Variants in MTUS2 observed in about 807,000 individuals in gnomAD.
MTUS2 encodes the protein microtubule-associated tumor suppressor candidate 2.
A neutral mutation model predicts 114.1 loss-of-function variants in MTUS2; 40 were observed. The observed-to-expected ratio is 0.35, with a 90% CI of 0.27 to 0.46. MTUS2 has a LOEUF of 0.46. MTUS2 is among the 20% of genes least tolerant of loss of function. The pLI, the probability that MTUS2 is intolerant of heterozygous loss-of-function variation, is 1.00. For synonymous variants in MTUS2, 688 were observed against 672.0 expected (o/e 1.02, Z -0.37); for missense variants, 1,679 against 1,705.4 (o/e 0.98, Z 0.27).
At chr13:29,217,234 G>A (rs564826147) in intron 5 of MTUS2, among the ~76,000 whole-genome samples, 1 of 152,056 alleles carries the variant, frequency 6.6e-6, no homozygotes, top group South Asian at 2.1e-4. Context: ...AATTTTTACA[G>A]CAATGGTATT....
At chr13:28,835,350 G>A (rs1376644990) in intron 1 of MTUS2, among the ~76,000 whole-genome samples, 1 of 152,124 alleles carries the variant, frequency 6.6e-6, no homozygotes, top group Non-Finnish European at 1.5e-5. Flanking sequence ...CCGATTTCTG[G>A]TACAGATGGC....
At chr13:29,088,058 CAAAAAAAAAAAAA>C (rs57654117) in intron 4 of MTUS2, among the ~76,000 whole-genome samples, 1 of 135,544 alleles carries the variant, frequency 7.4e-6, no homozygotes, top group African/African-American at 3.0e-5. Flanking sequence ...GACTCCGTCT[CAAAAAAAAAAAAA>C]AAAAAAAAAA....
chr13:29,241,820 T>TA (rs1420067058), intron 5 of MTUS2, among the ~76,000 whole-genome samples: 2 of 152,150 alleles, frequency 1.3e-5, no homozygotes, highest in African/African-American at 2.4e-5. Context: ...TGAATTGACT[T>TA]ACGTTCTGGC....
At chr13:29,110,819 A>T (rs1336365107) in intron 5 of MTUS2, among the ~76,000 whole-genome samples, 1 of 152,204 alleles carries the variant, frequency 6.6e-6, no homozygotes, top group Non-Finnish European at 1.5e-5. Context: ...AAAGTTTATA[A>T]GTGCCATATT....
intron 2 of MTUS2, among the ~76,000 whole-genome samples, chr13:28,945,063 A>G (rs1882446752): frequency 6.6e-6 from 1 of 151,988 alleles, no homozygotes; most frequent in African/African-American, 2.4e-5. Flanking sequence ...GAGTGGTGAG[A>G]AATGCAGTAT....
At chr13:29,412,826 A>G (rs1257600382) in intron 8 of MTUS2, among the ~76,000 whole-genome samples, 1 of 152,114 alleles carries the variant, frequency 6.6e-6, no homozygotes, top group Non-Finnish European at 1.5e-5. Context: ...CAGGAGTTCA[A>G]GGTTATGCTG....
chr13:29,175,083 G>C (rs1306344236), intron 5 of MTUS2, among the ~76,000 whole-genome samples: 1 of 152,088 alleles, frequency 6.6e-6, no homozygotes, highest in Non-Finnish European at 1.5e-5. Flanking sequence ...TCTTATTCTC[G>C]AGGCTCTTAA....
rs571701022 is a variant in MTUS2 at position 29,416,810 on chromosome 13, C to G, written c.3118-23173C>G. 1.4e-4 allele frequency among the ~76,000 whole-genome samples: 21 copies of G among 148,338 alleles called. No homozygotes were observed. In the East Asian group the frequency reaches 4.3e-3, roughly 31 times the overall value. On this transcript the variant is annotated intron_variant, in intron 8 of 15. Coordinates refer to ENST00000612955, the MANE Select transcript of MTUS2 (RefSeq NM_001033602.4). Reference sequence around the variant, plus strand: ...TACTTTTGCCCTTATAATTAAGTGACCTTTTTGCCTAGAGGTTTTGTTTTG... The same window carrying G: ...TACTTTTGCCCTTATAATTAAGTGAGCTTTTTGCCTAGAGGTTTTGTTTTG...
At chr13:29,032,550 A>C (rs533536740) in intron 3 of MTUS2, among the ~76,000 whole-genome samples, 1 of 152,240 alleles carries the variant, frequency 6.6e-6, no homozygotes, top group Non-Finnish European at 1.5e-5. Context: ...CAGAGTGCAG[A>C]TGTAGAATGT....
chr13:29,043,259 A>G (rs536131351), intron 4 of MTUS2, among the ~76,000 whole-genome samples: 2 of 152,212 alleles, frequency 1.3e-5, no homozygotes, highest in Admixed American at 1.3e-4. Context: ...TTCCTTTTCA[A>G]ATTGATTTCC....
intron 5 of MTUS2, among the ~76,000 whole-genome samples, chr13:29,144,158 T>A (rs1196416155): frequency 6.6e-6 from 1 of 152,190 alleles, no homozygotes; most frequent in Non-Finnish European, 1.5e-5. Flanking sequence ...GATGTGGCTG[T>A]GAAACTGCCA....
At chr13:29,485,491 A>G (rs2138930681) in intron 10 of MTUS2, among the ~76,000 whole-genome samples, 1 of 152,292 alleles carries the variant, frequency 6.6e-6, no homozygotes, top group East Asian at 1.9e-4. Flanking sequence ...TTTTTGACTC[A>G]TGGGCTCCCA....
At chr13:28,938,379 C>G (rs1442953145) in intron 2 of MTUS2, among the ~76,000 whole-genome samples, 1 of 105,594 alleles carries the variant, frequency 9.5e-6, no homozygotes, top group Admixed American at 9.7e-5. Flanking sequence ...GACTCTGTCT[C>G]AAAAAAAAAA....
At chr13:29,202,056 G>T (rs1330044345) in intron 5 of MTUS2, among the ~76,000 whole-genome samples, 2 of 152,138 alleles carry the variant, frequency 1.3e-5, no homozygotes, top group Non-Finnish European at 2.9e-5. Context: ...GGCCTGTCTT[G>T]CTAGATTGAG....
intron 9 of MTUS2, among the ~76,000 whole-genome samples, chr13:29,470,999 T>G (rs560163775): frequency 1.3e-5 from 2 of 152,326 alleles, no homozygotes; most frequent in Admixed American, 1.3e-4. Flanking sequence ...CTAGCCTTGC[T>G]TCTATTTCAC....
At chr13:29,497,986 C>G (rs1210694418) in intron 13 of MTUS2, among the ~76,000 whole-genome samples, 1 of 152,172 alleles carries the variant, frequency 6.6e-6, no homozygotes, top group East Asian at 1.9e-4. Flanking sequence ...CTTCTTAAAC[C>G]ACTTTGCTCA....
chr13:28,935,500 C>A (rs533817795), intron 2 of MTUS2, among the ~76,000 whole-genome samples: 24 of 151,792 alleles, frequency 1.6e-4, no homozygotes, highest in Non-Finnish European at 2.9e-4. Context: ...ATATTGCAGA[C>A]AAGTCCTCTG....
intron 3 of MTUS2, among the ~76,000 whole-genome samples, chr13:29,029,277 C>T (rs528076401): frequency 2.6e-5 from 4 of 152,278 alleles, no homozygotes; most frequent in Admixed American, 2.0e-4. Context: ...CTGTGCGGGG[C>T]TGCATGGCAT....
chr13:28,830,695 A>G (rs1293025864), intron 1 of MTUS2, among the ~76,000 whole-genome samples: 2 of 152,196 alleles, frequency 1.3e-5, no homozygotes, highest in Non-Finnish European at 2.9e-5. Flanking sequence ...TATAATTGAA[A>G]TCTCAAAAGG....
Sources: allele counts gnomAD v4.1 joint callset (sites outside exome capture counted in the v4.1 genomes callset), GRCh38; gene constraint gnomAD v4.1.1; transcripts MANE v1.5; gene names NCBI Gene and HGNC (gene_info 2026-07-23, HGNC 2026-07-21).